BICRAL: variants seen among roughly 807,000 people sequenced by gnomAD.
The protein encoded by BICRAL is BRD4-interacting chromatin-remodeling complex-associated protein-like.
A neutral mutation model predicts 91.8 loss-of-function variants in BICRAL; 8 were observed. That is an observed-to-expected ratio of 0.09 (90% CI 0.05 to 0.16). The LOEUF is 0.16. Ranked by LOEUF, BICRAL falls within the 10% of genes least tolerant of loss-of-function variation. The pLI is 1.00. For synonymous variants in BICRAL, 445 were observed against 491.1 expected, an observed-to-expected ratio of 0.91 and a Z score of 1.24; for missense variants, 1,038 against 1,310.9, an observed-to-expected ratio of 0.79 and a Z score of 3.21.
At chr6:42,825,852 T>G (rs902853720) in intron 5 of BICRAL, among the ~76,000 whole-genome samples, 4 of 151,962 alleles carry the variant, frequency 2.6e-5, no homozygotes, top group African/African-American at 9.7e-5. Flanking sequence ...GAGGCCGAAG[T>G]AGGTGGATCA....
intron 2 of BICRAL, among the ~76,000 whole-genome samples, chr6:42,819,475 C>T (rs1764080746): frequency 2.0e-5 from 3 of 151,752 alleles, no homozygotes; most frequent in South Asian, 2.1e-4. Flanking sequence ...TTAGTAGAGA[C>T]GGGTTTCACC....
At chr6:42,810,559 C>A (rs77280590) in intron 2 of BICRAL, among the ~76,000 whole-genome samples, 158 bp downstream of exon 2, 1 of 152,176 alleles carries the variant, frequency 6.6e-6, no homozygotes, top group Non-Finnish European at 1.5e-5. Flanking sequence ...ACATCCTTAT[C>A]GACATGAATC....
At chr6:42,790,534 A>G (rs1192526646) in intron 1 of BICRAL, among the ~76,000 whole-genome samples, 4 of 115,752 alleles carry the variant, frequency 3.5e-5, no homozygotes, top group Admixed American at 1.8e-4. Flanking sequence ...CCCCCCCCCC[A>G]CCTTCTTTTC....
At chr6:42,816,449 T>C (rs1225947549) in intron 2 of BICRAL, among the ~76,000 whole-genome samples, 1 of 152,046 alleles carries the variant, frequency 6.6e-6, no homozygotes, top group East Asian at 1.9e-4. Flanking sequence ...ATTTTTGAGA[T>C]AGGGTTTGGT....
At chr6:42,803,126 C>A (rs552452800) in intron 1 of BICRAL, among the ~76,000 whole-genome samples, 1 of 152,210 alleles carries the variant, frequency 6.6e-6, no homozygotes, top group Admixed American at 6.5e-5. Flanking sequence ...TTTAATGAAC[C>A]ACAACTATTA....
chr6:42,754,265 G>A lies in BICRAL; in HGVS notation c.-261+7242G>A, dbSNP rs190709237. Among the ~76,000 whole-genome samples the A allele has an allele frequency of 3.8e-3, 576 of 151,548 alleles. 5 individuals carry two copies. Among genetic ancestry groups the A allele is most frequent in the Non-Finnish European group, 6.5e-3 (440 of 67,928 alleles). On this transcript the variant is annotated intron_variant, in intron 1 of 14. Transcript: ENST00000614467. ...GGGCTCACTGCAAGCTCCACCTCCCGAGTTCATGCCATTCTCCTGTCTCAG... is the reference window on the plus strand; with the variant it reads ...GGGCTCACTGCAAGCTCCACCTCCCAAGTTCATGCCATTCTCCTGTCTCAG...
At chr6:42,766,919 A>T (rs989964055) in intron 1 of BICRAL, among the ~76,000 whole-genome samples, 1 of 152,138 alleles carries the variant, frequency 6.6e-6, no homozygotes, top group Non-Finnish European at 1.5e-5. Flanking sequence ...AGGCGTCTGT[A>T]GTCCCAGCTA....
At chr6:42,848,032 G>T (rs1358229444) in intron 6 of BICRAL, among the ~76,000 whole-genome samples, 1 of 152,100 alleles carries the variant, frequency 6.6e-6, no homozygotes. Flanking sequence ...GGGAGGCTGA[G>T]GCAGGAGAAC....
intron 5 of BICRAL, 27 bp from the exon 6 acceptor site, chr6:42,828,466 C>T (rs1302686252): frequency 6.4e-7 from 1 of 1,556,322 alleles, no homozygotes; most frequent in Non-Finnish European, 8.7e-7. Context: ...TTACATATGC[C>T]ATGTAACATA....
chr6:42,855,202 A>G (rs1765312297), intron 8 of BICRAL, among the ~76,000 whole-genome samples: 1 of 152,192 alleles, frequency 6.6e-6, no homozygotes, highest in African/African-American at 2.4e-5. Context: ...GAGAAGATGG[A>G]TTAGATAGTA....
chr6:42,771,085 G>GTA (rs1762717220), intron 1 of BICRAL, among the ~76,000 whole-genome samples: 1 of 152,208 alleles, frequency 6.6e-6, no homozygotes, highest in African/African-American at 2.4e-5. Context: ...AGCCTGCCCA[G>GTA]GGCCACCCCA....
chr6:42,851,950 A>G (rs1765197340), intron 6 of BICRAL, 142 bp from the exon 7 acceptor site: 1 of 597,866 alleles, frequency 1.7e-6, no homozygotes, highest in Non-Finnish European at 3.0e-6. Flanking sequence ...TGATAAGAAA[A>G]TACAATTATT....
intron 1 of BICRAL, among the ~76,000 whole-genome samples, chr6:42,804,797 G>A (rs1045580871): frequency 5.9e-5 from 9 of 152,174 alleles, no homozygotes; most frequent in Non-Finnish European, 1.2e-4. Context: ...CTGCCTTCGG[G>A]ATGGCAGAAT....
intron 2 of BICRAL, among the ~76,000 whole-genome samples, chr6:42,814,034 A>G (rs893613927): frequency 2.0e-5 from 3 of 151,988 alleles, no homozygotes; most frequent in African/African-American, 7.2e-5. Flanking sequence ...CCGGGGGTAA[A>G]AATGTGATTT....
At chr6:42,788,729 T>C (rs775633439) in intron 1 of BICRAL, among the ~76,000 whole-genome samples, 1 of 152,074 alleles carries the variant, frequency 6.6e-6, no homozygotes, top group Non-Finnish European at 1.5e-5. Context: ...GAAGGGGTAG[T>C]GGATAATTTC....
chr6:42,793,896 AATTTTTGT>A (rs1763347560), intron 1 of BICRAL, among the ~76,000 whole-genome samples: 1 of 150,634 alleles, frequency 6.6e-6, no homozygotes. Context: ...ATGCCTGGAT[AATTTTTGT>A]ATTTTTGTAG....
chr6:42,805,029 G>A (rs1763670092), intron 1 of BICRAL, among the ~76,000 whole-genome samples: 1 of 152,190 alleles, frequency 6.6e-6, no homozygotes, highest in African/African-American at 2.4e-5. Flanking sequence ...GGGAACATAA[G>A]ATAAGCATAA....
chr6:42,805,863 G>A (rs1355272918), intron 1 of BICRAL, among the ~76,000 whole-genome samples: 2 of 152,066 alleles, frequency 1.3e-5, no homozygotes, highest in Non-Finnish European at 2.9e-5. Context: ...TTAGCCAGGT[G>A]TGCTGGCGGG....
chr6:42,814,499 G>GTGTGTGTGTGTATATATATGTATA (rs374054837), intron 2 of BICRAL, among the ~76,000 whole-genome samples: 1 of 61,280 alleles, frequency 1.6e-5, no homozygotes, highest in Admixed American at 2.2e-4. Flanking sequence ...GTGTGTGTGT[G>GTGTGTGTGTGTATATATATGTATA]TATATATATA....
Sources: gnomAD v4.1 joint callset for allele counts (sites outside exome capture counted in the v4.1 genomes callset) on GRCh38, gnomAD v4.1.1 for gene constraint, MANE v1.5 for transcripts, NCBI Gene and HGNC (gene_info 2026-07-23, HGNC 2026-07-21) for gene names.